BICRAL: variants seen among roughly 807,000 people sequenced by gnomAD.
BICRAL encodes the protein BRD4-interacting chromatin-remodeling complex-associated protein-like.
In BICRAL, 8 loss-of-function variants were observed where a neutral mutation model predicts 91.8. The ratio of observed to expected loss-of-function variants is 0.09; its 90% CI spans 0.05 to 0.16. The LOEUF is 0.16. Among genes scored for constraint, BICRAL ranks in the 10% least tolerant of loss-of-function variants. BICRAL has a pLI of 1.00. For synonymous variants in BICRAL, 445 were observed against 491.1 expected, an observed-to-expected ratio of 0.91 and a Z score of 1.24; for missense variants, 1,038 against 1,310.9, an observed-to-expected ratio of 0.79 and a Z score of 3.21.
intron 1 of BICRAL, among the ~76,000 whole-genome samples, chr6:42,784,320 T>A (rs1763038548): frequency 6.6e-6 from 1 of 152,142 alleles, no homozygotes; most frequent in African/African-American, 2.4e-5. Flanking sequence ...GGGTTTAACT[T>A]TTACATTATT....
intron 2 of BICRAL, among the ~76,000 whole-genome samples, chr6:42,817,981 A>G (rs1323070531): frequency 6.6e-6 from 1 of 151,678 alleles, no homozygotes; most frequent in East Asian, 1.9e-4. Flanking sequence ...AAAAAAAAAA[A>G]AAAAAGTGAG....
Position 42,822,801 on chromosome 6 carries a change from C to T in BICRAL, c.47C>T (p.Pro16Leu). 1.3e-6 allele frequency: 2 copies of T among 1,545,772 alleles called. No individual in the cohort carries two copies. Among genetic ancestry groups the T allele is most frequent in the Non-Finnish European group, 1.8e-6 (2 of 1,119,634 alleles). ...DSCLLDLIGD[P>L]QALNYFLHGP... ...TTTTTTCCTCTCTTTTCTAGAGACC[C>T]ACAAGCATTGAACTATTTTCTACAT... Residue 16 changes from proline to leucine, a missense_variant, in exon 4 of 13, where the codon CCA becomes CTA. Pro to Leu is a moderately conservative substitution (Grantham distance 98, BLOSUM62 -3). Transcript: ENST00000314073.
chr6:42,759,404 CAG>C (rs1346938069), intron 1 of BICRAL, among the ~76,000 whole-genome samples: 1 of 152,064 alleles, frequency 6.6e-6, no homozygotes, highest in Non-Finnish European at 1.5e-5. Flanking sequence ...CAAAAATAAA[CAG>C]ATGTTAGTTT....
At chr6:42,824,180 A>G (rs1764221627) in intron 5 of BICRAL, among the ~76,000 whole-genome samples, 1 of 151,920 alleles carries the variant, frequency 6.6e-6, no homozygotes, top group African/African-American at 2.4e-5. Context: ...GCAGTGAGCC[A>G]AGATCGCACC....
Position 42,860,263 on chromosome 6 carries a change from G to C in BICRAL, c.2256G>C (p.Val752=), listed in dbSNP as rs770258118. 3.8e-6 allele frequency: 6 copies of C among 1,572,420 alleles called. No homozygotes were observed. Among genetic ancestry groups the C allele is most frequent in the Non-Finnish European group, 5.2e-6 (6 of 1,143,124 alleles). ...SMPTEEDLRK[V]DNEFETVATQ... ...TTCTTTGTCTCTCTCTTTTTAAAGTGGACAATGAATTTGAGACAGTTGCCA... is the reference window on the plus strand; with the variant it reads ...TTCTTTGTCTCTCTCTTTTTAAAGTCGACAATGAATTTGAGACAGTTGCCA... Residue 752 remains valine, a splice_region_variant and synonymous_variant, in exon 11 of 13, where the codon GTG becomes GTC. Transcript: ENST00000314073.
At chr6:42,856,833 G>C (rs1020346340) in intron 9 of BICRAL, among the ~76,000 whole-genome samples, 1 of 152,064 alleles carries the variant, frequency 6.6e-6, no homozygotes, top group Admixed American at 6.6e-5. Context: ...CAATGGTCAG[G>C]CACTGCCAAG....
chr6:42,839,076 T>C (rs1764715884), intron 6 of BICRAL, among the ~76,000 whole-genome samples: 1 of 152,042 alleles, frequency 6.6e-6, no homozygotes, highest in African/African-American at 2.4e-5. Flanking sequence ...GGCGTGTGCC[T>C]ATAGTCCCAG....
intron 1 of BICRAL, among the ~76,000 whole-genome samples, chr6:42,762,031 C>T (rs1762558732): frequency 6.6e-6 from 1 of 152,120 alleles, no homozygotes; most frequent in African/African-American, 2.4e-5. Context: ...TCAAAAATGC[C>T]AGGTCCTTCT....
chr6:42,790,827 G>T (rs1000769610), intron 1 of BICRAL, among the ~76,000 whole-genome samples: 1 of 152,020 alleles, frequency 6.6e-6, no homozygotes, highest in African/African-American at 2.4e-5. Flanking sequence ...ATAATGTTCT[G>T]TATAGTAGAA....
intron 1 of BICRAL, among the ~76,000 whole-genome samples, chr6:42,752,025 C>CT (rs1365696460): frequency 6.6e-6 from 1 of 151,476 alleles, no homozygotes; most frequent in East Asian, 1.9e-4. Context: ...CAAGTCTTGA[C>CT]TATATATGGG....
At chr6:42,820,772 T>C (rs1764115067) in intron 2 of BICRAL, among the ~76,000 whole-genome samples, 1 of 152,232 alleles carries the variant, frequency 6.6e-6, no homozygotes, top group Non-Finnish European at 1.5e-5. Flanking sequence ...CACTGGATTC[T>C]ACTCACAGGG....
chr6:42,841,995 C>T (rs925795151), intron 6 of BICRAL, among the ~76,000 whole-genome samples: 1 of 152,176 alleles, frequency 6.6e-6, no homozygotes, highest in Non-Finnish European at 1.5e-5. Context: ...TCAGCAGTTC[C>T]AGTTCAGTCA....
chr6:42,847,352 C>G (rs1345566111), intron 6 of BICRAL, among the ~76,000 whole-genome samples: 2 of 152,170 alleles, frequency 1.3e-5, no homozygotes, highest in East Asian at 3.8e-4. Context: ...AAGATCCCCT[C>G]TATTCCTAGT....
At chr6:42,782,808 G>C (rs1330054119) in intron 1 of BICRAL, among the ~76,000 whole-genome samples, 2 of 152,192 alleles carry the variant, frequency 1.3e-5, no homozygotes, top group South Asian at 4.1e-4. Flanking sequence ...GCGGGGCCGC[G>C]AGCAGGGGGC....
chr6:42,763,887 T>G, intron 1 of BICRAL, among the ~76,000 whole-genome samples: 1 of 142,718 alleles, frequency 7.0e-6, no homozygotes, highest in African/African-American at 2.6e-5. Context: ...GCCAGTGAGG[T>G]CATGAAATGC....
At chr6:42,832,079 G>GGTTCA (rs1403362099) in intron 6 of BICRAL, among the ~76,000 whole-genome samples, 2 of 151,744 alleles carry the variant, frequency 1.3e-5, no homozygotes, top group Non-Finnish European at 2.9e-5. Flanking sequence ...CAGGAGCTGT[G>GGTTCA]GTTCATGCCT....
chr6:42,785,987 G>T (rs555639539), intron 1 of BICRAL, among the ~76,000 whole-genome samples: 2 of 152,232 alleles, frequency 1.3e-5, no homozygotes, highest in South Asian at 4.1e-4. Context: ...CCTGGGAGAC[G>T]GAGGTTGTAG....
At chr6:42,847,700 G>T (rs950973523) in intron 6 of BICRAL, among the ~76,000 whole-genome samples, 2 of 152,114 alleles carry the variant, frequency 1.3e-5, no homozygotes, top group African/African-American at 4.8e-5. Flanking sequence ...CGAGGCAGGT[G>T]GATCATGAAG....
intron 6 of BICRAL, among the ~76,000 whole-genome samples, chr6:42,850,682 G>A (rs982619227): frequency 4.6e-5 from 7 of 151,822 alleles, no homozygotes; most frequent in Non-Finnish European, 8.8e-5. Flanking sequence ...TCAGGAGTTC[G>A]AGACCATCCT....
Sources: gnomAD v4.1 joint callset for allele counts (sites outside exome capture counted in the v4.1 genomes callset) on GRCh38, gnomAD v4.1.1 for gene constraint, MANE v1.5 for transcripts, NCBI Gene and HGNC (gene_info 2026-07-23, HGNC 2026-07-21) for gene names.